Variants in ZNF710 observed in about 807,000 individuals in gnomAD.
ZNF710 encodes the protein zinc finger protein 710.
In ZNF710, 13 loss-of-function variants were observed where a neutral mutation model predicts 50.6. The ratio of observed to expected loss-of-function variants is 0.26; its 90% CI spans 0.17 to 0.41. The LOEUF (loss-of-function observed/expected upper bound fraction) is 0.41, where lower values mean the gene tolerates loss of function less well. ZNF710 is among the 10% of genes least tolerant of loss of function. The probability of loss-of-function intolerance (pLI) is 1.00; values close to 1 mark genes in which losing one functional copy is unlikely to be tolerated. For synonymous variants in ZNF710, 383 were observed against 397.0 expected, an observed-to-expected ratio of 0.96 and a Z score of 0.42; for missense variants, 721 against 936.6, an observed-to-expected ratio of 0.77 and a Z score of 3.01.
intron 1 of ZNF710, among the ~76,000 whole-genome samples, chr15:90,017,411 A>G (rs1194103335): frequency 6.6e-6 from 1 of 152,200 alleles, no homozygotes; most frequent in Admixed American, 6.5e-5. Context: ...CACCAGGGGA[A>G]GAATTTGATG....
chr15:90,032,702 C>T (rs1000231480), intron 1 of ZNF710, among the ~76,000 whole-genome samples: 14 of 149,788 alleles, frequency 9.3e-5, no homozygotes, highest in African/African-American at 3.2e-4. Flanking sequence ...TGCTTGAACC[C>T]AGGAGGCAGA....
In ZNF710 at chr15:90,080,510, C is replaced by T. The variant is rs1211604028; in HGVS notation, c.*681C>T. 1 of 152,754 alleles carries T rather than the reference C, an allele frequency of 6.5e-6. No individual in the cohort carries two copies. The highest frequency in any genetic ancestry group is 1.5e-5 in the Non-Finnish European group (1 of 68,102). 9.5% of individuals were successfully genotyped at this position (152,754 alleles called of 1,614,324 possible). A position where few individuals can be genotyped will look rare whatever the true frequency, so the allele number is the denominator to read the frequency against. The stretch of plus-strand genomic sequence containing the variant: ...AGTGTCCCTACAGTGGATTGCAACA[C>T]ATGTCGTCCACTTCGACCCTAGCTG... On this transcript the variant is annotated 3_prime_UTR_variant, in exon 5 of 5. Coordinates refer to ENST00000268154, the MANE Select transcript of ZNF710 (RefSeq NM_198526.4).
intron 1 of ZNF710, among the ~76,000 whole-genome samples, chr15:90,047,159 C>A (rs939220571): frequency 7.7e-6 from 1 of 129,684 alleles, no homozygotes; most frequent in Admixed American, 8.1e-5. Context: ...AGGCATGTTT[C>A]CAGGGCCCCA....
chr15:90,027,744 C>G (rs564453248), intron 1 of ZNF710, among the ~76,000 whole-genome samples: 1 of 150,968 alleles, frequency 6.6e-6, no homozygotes, highest in Non-Finnish European at 1.5e-5. Flanking sequence ...CCCAGCTGCT[C>G]GGAAGGCTGA....
At chr15:90,069,192 C>T (rs1363296372) in intron 2 of ZNF710, among the ~76,000 whole-genome samples, 9 of 145,822 alleles carry the variant, frequency 6.2e-5, no homozygotes, top group African/African-American at 2.3e-4. Flanking sequence ...CACACCATTG[C>T]ACTCCAGCCT....
intron 1 of ZNF710, among the ~76,000 whole-genome samples, chr15:90,007,530 G>C (rs1297724937): frequency 6.6e-6 from 1 of 152,020 alleles, no homozygotes; most frequent in African/African-American, 2.4e-5. Flanking sequence ...GCGGCTCTAA[G>C]AATTTGTCAA....
intron 1 of ZNF710, chr15:90,025,572 C>T (rs1253931337): frequency 6.6e-6 from 1 of 152,174 alleles, no homozygotes; most frequent in Non-Finnish European, 1.5e-5. Flanking sequence ...AACATGGTTA[C>T]AAGCACATTG....
Position 90,068,675 on chromosome 15 carries a change from G to A in ZNF710, c.1458+80G>A, listed in dbSNP as rs1900274732. ...TCCAGTACTTTCCAAAGTCCCAGATGGGACCATTTAGGTGGTCTCCTAGTT... is the reference window on the plus strand; with the variant it reads ...TCCAGTACTTTCCAAAGTCCCAGATAGGACCATTTAGGTGGTCTCCTAGTT... On this transcript the variant is annotated intron_variant, in intron 2 of 4. Coordinates refer to ENST00000268154, the MANE Select transcript of ZNF710 (RefSeq NM_198526.4). The surrounding 1 kb of genome is among the most constrained non-coding windows in gnomAD (Gnocchi z 5.0). The A allele has an allele frequency of 2.0e-6, 3 of 1,471,230 alleles. No homozygotes were observed. The East Asian group carries it at 6.8e-5, about 34-fold the overall frequency. The allele number at this position is 1,471,230 out of a possible 1,614,324, so 91.1% of individuals were successfully genotyped here. A position where few individuals can be genotyped will look rare whatever the true frequency, so the allele number is the denominator to read the frequency against.
intron 1 of ZNF710, among the ~76,000 whole-genome samples, chr15:90,009,336 C>G (rs1162119376): frequency 6.6e-6 from 1 of 152,140 alleles, no homozygotes; most frequent in African/African-American, 2.4e-5. Context: ...TCAGTTTAAT[C>G]TCACTCTGTG....
intron 1 of ZNF710, among the ~76,000 whole-genome samples, chr15:90,010,300 T>C (rs1463236124): frequency 6.6e-6 from 1 of 151,986 alleles, no homozygotes; most frequent in Non-Finnish European, 1.5e-5. Context: ...GATGGATTTC[T>C]TTTTTTTGAG....
At chr15:90,071,814 G>T (rs1042822033) in intron 2 of ZNF710, among the ~76,000 whole-genome samples, 1 of 151,786 alleles carries the variant, frequency 6.6e-6, no homozygotes, top group African/African-American at 2.4e-5. Flanking sequence ...GAGTAGCTGG[G>T]ATTACAGGCG....
At chr15:90,024,133 C>T (rs1212686796) in intron 1 of ZNF710, among the ~76,000 whole-genome samples, 2 of 152,188 alleles carry the variant, frequency 1.3e-5, no homozygotes, top group East Asian at 1.9e-4. Flanking sequence ...TCCTTCCCAC[C>T]CCTTACCTAA....
At chr15:90,032,130 T>G (rs1035376564) in intron 1 of ZNF710, among the ~76,000 whole-genome samples, 5 of 152,192 alleles carry the variant, frequency 3.3e-5, no homozygotes, top group Non-Finnish European at 4.4e-5. Context: ...CCCAAGTAGC[T>G]GGGATTAGAG....
chr15:90,067,255 G>A lies in ZNF710; in HGVS notation c.118G>A (p.Ala40Thr), dbSNP rs766187525. Reference sequence around the variant, plus strand: ...TGAGCTCTTTGGAGCTACCATAAGCGCCGAGGCCTTCTACCCGGACCTGGG... The same window carrying A: ...TGAGCTCTTTGGAGCTACCATAAGCACCGAGGCCTTCTACCCGGACCTGGG... ...ENELFGATIS[A>T]EAFYPDLGPE... Residue 40 changes from alanine to threonine, a missense_variant, in exon 2 of 5, where the codon GCC becomes ACC. Around this residue, in one of 3 missense-constraint regions of ZNF710, gnomAD observed 326 missense variants for 347.1 expected, o/e 0.94. Coordinates refer to ENST00000268154, the MANE Select transcript of ZNF710 (RefSeq NM_198526.4). The surrounding 1 kb of genome is among the most constrained non-coding windows in gnomAD (Gnocchi z 8.1). The A allele has an allele frequency of 5.0e-6, 8 of 1,613,048 alleles. No individual in the cohort carries two copies. The South Asian group carries it at 5.5e-5, about 11-fold the overall frequency.
chr15:90,079,579 A>C (rs1900672333), intron 4 of ZNF710, 81 bp from the exon 5 acceptor site: 2 of 1,539,090 alleles, frequency 1.3e-6, no homozygotes, highest in Admixed American at 4.2e-5. Flanking sequence ...CTCTTTAGAA[A>C]GGCCATCAGC....
chr15:90,013,569 G>T (rs1898371230), intron 1 of ZNF710, among the ~76,000 whole-genome samples: 1 of 152,156 alleles, frequency 6.6e-6, no homozygotes, highest in African/African-American at 2.4e-5. Flanking sequence ...TTCTTAGCTT[G>T]CAGTTTTGAC....
At chr15:90,037,982 GGCCTGGCCTTCCA>G (rs1254114927) in intron 1 of ZNF710, among the ~76,000 whole-genome samples, 1 of 152,222 alleles carries the variant, frequency 6.6e-6, no homozygotes, top group Non-Finnish European at 1.5e-5. Context: ...TTTAACCACA[GGCCTGGCCTTCCA>G]GCCAGGGTGC....
At chr15:90,058,877 T>G (rs1252611691) in intron 1 of ZNF710, among the ~76,000 whole-genome samples, 2 of 152,144 alleles carry the variant, frequency 1.3e-5, no homozygotes, top group Non-Finnish European at 2.9e-5. Context: ...ATTCTTTCTC[T>G]GGGAAGCCTC....
At chr15:90,003,463 G>A (rs1378195582) in intron 1 of ZNF710, among the ~76,000 whole-genome samples, 8 of 152,132 alleles carry the variant, frequency 5.3e-5, no homozygotes. Context: ...ATTTGTACAC[G>A]TGTAAGTAAA....
Sources: allele counts gnomAD v4.1 joint callset (sites outside exome capture counted in the v4.1 genomes callset), GRCh38; gene constraint gnomAD v4.1.1; regional missense constraint gnomAD v4.1.1; non-coding constraint Gnocchi (gnomAD v3.1); transcripts MANE v1.5; gene names NCBI Gene and HGNC (gene_info 2026-07-23, HGNC 2026-07-21).